SIRT6: variants seen among roughly 807,000 people sequenced by gnomAD.
SIRT6 encodes the protein sirtuin 6.
Under a neutral mutation model 33.6 loss-of-function variants are expected in SIRT6, and 21 were observed. The ratio of observed to expected loss-of-function variants is 0.62; its 90% CI spans 0.44 to 0.90. SIRT6 has a LOEUF of 0.90. Among genes scored for constraint, SIRT6 ranks in the 40% least tolerant of loss-of-function variants. SIRT6 has a pLI of 0.00. For missense variants in SIRT6, 504 were observed against 510.6 expected, an observed-to-expected ratio of 0.99 and a Z score of 0.12; for synonymous variants, 221 against 223.9, an observed-to-expected ratio of 0.99 and a Z score of 0.12.
At position 4,174,580 on chromosome 19, in the gene SIRT6, T is replaced by C; in HGVS notation, c.*37A>G. 7.2e-7 allele frequency: 1 copy of C among 1,388,504 alleles called. No homozygotes were observed. The highest frequency in any genetic ancestry group is 1.7e-5 in the South Asian group (1 of 59,282). 86.0% of individuals were successfully genotyped at this position (1,388,504 alleles called of 1,614,324 possible). On this transcript the variant is annotated 3_prime_UTR_variant, in exon 8 of 8. Coordinates refer to ENST00000337491, the MANE Select transcript of SIRT6 (RefSeq NM_016539.4). This position sits in a 1 kb window ranked among gnomAD's most constrained non-coding sequence, Gnocchi z 4.2. ...ACCACGAGAGAAAAAGAATCCACAG[T>C]TTCTACAAAAAGCCCCACCCTCCCC... is the stretch of plus-strand genomic sequence containing the variant.
Position 4,175,746 on chromosome 19 carries a change from T to A in SIRT6, c.548A>T (p.Asp183Val), listed in dbSNP as rs199592512. ...GGAGTCCTCCCAGTCTAGGATGGTG[T>A]CCCTCAGCTCTCCCCTGCAATGAGG... ...GLRACRGELR[D>V]TILDWEDSLP... The change falls in exon 6 of 8, where the codon GAC becomes GTC. Residue 183 changes from aspartate to valine, a missense_variant. By Grantham distance (152) the Asp-to-Val change is radical (BLOSUM62 -3). Transcript: ENST00000337491. 1.3e-6 allele frequency: 2 copies of A among 1,584,144 alleles called. No individual in the cohort carries two copies. The highest frequency in any genetic ancestry group is 1.8e-5 in the Admixed American group (1 of 55,904).
chr19:4,174,731 C>A lies in SIRT6; in HGVS notation c.954G>T (p.Glu318Asp). The part of the protein sequence containing the change: ...NGSIPAGPKQ[E>D]PCAQHNGSEP... ...CTGAGCCGTTGTGCTGGGCGCAGGG[C>A]TCCTGCTTGGGGCCGGCGGGGATAG... The change falls in exon 8 of 8, where the codon GAG (glutamate) becomes GAT (aspartate). Residue 318 changes from glutamate (E) to aspartate (D), a missense_variant. Transcript: ENST00000337491. The surrounding 1 kb of genome is among the most constrained non-coding windows in gnomAD (Gnocchi z 4.2). The A allele has an allele frequency of 6.8e-7, 1 of 1,465,380 alleles. No homozygotes were observed. The highest frequency in any genetic ancestry group is 9.1e-7 in the Non-Finnish European group (1 of 1,104,584). The allele number at this position is 1,465,380 out of a possible 1,614,324, so 90.8% of individuals were successfully genotyped here.
chr19:4,180,328 G>C (rs1967551984), intron 2 of SIRT6, among the ~76,000 whole-genome samples: 2 of 152,018 alleles, frequency 1.3e-5, no homozygotes. Context: ...GGTGTGATCA[G>C]GTGACCGTGT....
intron 2 of SIRT6, among the ~76,000 whole-genome samples, chr19:4,179,745 G>C (rs1967516372): frequency 6.6e-6 from 1 of 152,226 alleles, no homozygotes; most frequent in South Asian, 2.1e-4. Context: ...CTGGATCAGA[G>C]GAGGTACCTG....
At chr19:4,179,004 G>T in intron 3 of SIRT6, 100 bp downstream of exon 3, 1 of 1,440,910 alleles carries the variant, frequency 6.9e-7, no homozygotes, top group Non-Finnish European at 9.4e-7. Context: ...CTCAGGGCTA[G>T]AATCTTATAG....
chr19:4,179,039 C>T lies in SIRT6; in HGVS notation c.377+65G>A, dbSNP rs1160302210. On this transcript the variant is annotated intron_variant, in intron 3 of 7. Coordinates refer to ENST00000337491, the MANE Select transcript of SIRT6 (RefSeq NM_016539.4). Reference sequence around the variant, plus strand: ...GAACCAGGAAAAGGGGACTCTCCCCCTAAAAATGCAAACACGGTTTGTGGG... The same window carrying T: ...GAACCAGGAAAAGGGGACTCTCCCCTTAAAAATGCAAACACGGTTTGTGGG... 6 of 1,572,210 alleles carry T rather than the reference C, an allele frequency of 3.8e-6. No individual in the cohort carries two copies. The South Asian group carries it at 6.9e-5, about 18-fold the overall frequency.
chr19:4,175,926 C>CG lies in SIRT6; in HGVS notation c.448dup (p.Arg150ProfsTer21). 1 of 1,566,918 alleles carries CG rather than the reference C, an allele frequency of 6.4e-7. No homozygotes were observed. Among genetic ancestry groups the CG allele is most frequent in the East Asian group, 2.3e-5 (1 of 42,720 alleles). On this transcript the variant is annotated frameshift_variant, in exon 5 of 8. Coordinates refer to ENST00000337491, the MANE Select transcript of SIRT6 (RefSeq NM_016539.4). LOFTEE classifies it high-confidence loss of function. ...GCCCATGGTGCCCACGACTGTGTCT[C>CG]GGACGTACTGCCTGTGTCAGGGAGG...
At position 4,175,895 on chromosome 19, in the gene SIRT6, CT is replaced by C; in HGVS notation, c.479del (p.Lys160ArgfsTer22). 1 of 1,569,824 alleles carries C rather than the reference CT, an allele frequency of 6.4e-7. No individual in the cohort carries two copies. Among genetic ancestry groups the C allele is most frequent in the Non-Finnish European group, 8.6e-7 (1 of 1,157,766 alleles). ...RDTVVGTMGL[K>X]ATGRLCTVAK... Reference sequence around the variant, plus strand: ...CCACGGTGCAGAGCCGGCCCGTGGCCTTCAGGCCCATGGTGCCCACGACTGT... The same window carrying C: ...CCACGGTGCAGAGCCGGCCCGTGGCCTCAGGCCCATGGTGCCCACGACTGT... On this transcript the variant is annotated frameshift_variant, in exon 5 of 8. Coordinates refer to ENST00000337491, the MANE Select transcript of SIRT6 (RefSeq NM_016539.4). LOFTEE classifies it high-confidence loss of function.
At position 4,180,622 on chromosome 19, in the gene SIRT6, AC is replaced by A. The variant is rs1007576271; in HGVS notation, c.194+159del. ...TCTGGAATTCTTGACCTTGTGATCC[AC>A]CATGCCCAGCCAAGGGACACATCTT... On this transcript the variant is annotated intron_variant, in intron 2 of 7. Coordinates refer to ENST00000337491, the MANE Select transcript of SIRT6 (RefSeq NM_016539.4). 9 of 869,284 alleles carry A rather than the reference AC, an allele frequency of 1.0e-5. No homozygotes were observed. The Admixed American group carries it at 2.9e-4, about 28-fold the overall frequency. 53.8% of individuals were successfully genotyped at this position (869,284 alleles called of 1,614,324 possible). A position where few individuals can be genotyped will look rare whatever the true frequency, so the allele number is the denominator to read the frequency against.
intron 3 of SIRT6, among the ~76,000 whole-genome samples, chr19:4,178,308 A>G (rs1967427145): frequency 1.3e-5 from 2 of 151,946 alleles, no homozygotes. Context: ...TACAGATGTG[A>G]GCCACCATGC....
rs949225256 is a variant in SIRT6 at position 4,175,715 on chromosome 19, G to A, written c.579C>T (p.Pro193=). The stretch of plus-strand genomic sequence containing the variant: ...CATCGGCGAGTGCCAGGTCCCGGTC[G>A]GGCAGGGAGTCCTCCCAGTCTAGGA... The part of the protein sequence containing the change: ...DTILDWEDSL[P]DRDLALADEA... Residue 193 remains proline (P), a synonymous_variant, in exon 6 of 8, where the codon CCC becomes CCT. Transcript: ENST00000337491. 32 of 1,584,492 alleles carry A rather than the reference G, an allele frequency of 2.0e-5. No individual in the cohort carries two copies. In the Admixed American group the frequency reaches 2.8e-4, roughly 14 times the overall value.
rs1447070627 is a variant in SIRT6 at position 4,175,743 on chromosome 19, G to T, written c.551C>A (p.Thr184Asn). 1 of 1,585,600 alleles carries T rather than the reference G, an allele frequency of 6.3e-7. No homozygotes were observed. Residue 184 changes from threonine to asparagine, a missense_variant, in exon 6 of 8, where the codon ACC becomes AAC. Coordinates refer to ENST00000337491, the MANE Select transcript of SIRT6 (RefSeq NM_016539.4). ...CAGGGAGTCCTCCCAGTCTAGGATGGTGTCCCTCAGCTCTCCCCTGCAATG... is the reference window on the plus strand; with the variant it reads ...CAGGGAGTCCTCCCAGTCTAGGATGTTGTCCCTCAGCTCTCCCCTGCAATG... ...LRACRGELRDTILDWEDSLPD... is the reference protein window; with the variant it reads ...LRACRGELRDNILDWEDSLPD...
chr19:4,179,328 A>T (rs746384283), intron 2 of SIRT6, 42 bp from the exon 3 acceptor site: 1 of 1,531,762 alleles, frequency 6.5e-7, no homozygotes, highest in Non-Finnish European at 8.8e-7. Flanking sequence ...GGAGAGGGGA[A>T]CAGAAAAAGA....
At chr19:4,175,506 G>T in intron 6 of SIRT6, 174 bp downstream of exon 6, 1 of 651,990 alleles carries the variant, frequency 1.5e-6, no homozygotes. Flanking sequence ...GAGCCATGAG[G>T]TGACGAGTGT....
At chr19:4,176,029 T>G (rs1967284522) in intron 4 of SIRT6, 92 bp from the exon 5 acceptor site, 1 of 1,151,774 alleles carries the variant, frequency 8.7e-7, no homozygotes, top group Admixed American at 2.1e-5. Flanking sequence ...CCCAGGGAGG[T>G]GGGGGGTGGA....
intron 3 of SIRT6, 41 bp downstream of exon 3, chr19:4,179,063 G>C: frequency 6.2e-7 from 1 of 1,602,662 alleles, no homozygotes; most frequent in Non-Finnish European, 8.5e-7. Context: ...ACGGTTTGTG[G>C]GGCCCCAAGC....
intron 1 of SIRT6, 87 bp downstream of exon 1, chr19:4,182,387 G>A: frequency 7.4e-7 from 1 of 1,358,734 alleles, no homozygotes; most frequent in Non-Finnish European, 1.0e-6. Flanking sequence ...AGTGCCCCCT[G>A]ATATTCCCAC....
Position 4,174,675 on chromosome 19 carries a change from G to T in SIRT6, c.1010C>A (p.Thr337Asn). Residue 337 changes from threonine to asparagine, a missense_variant, in exon 8 of 8, where the codon ACC becomes AAC. Physicochemically the swap from Thr to Asn is moderately conservative, Grantham distance 65. Transcript: ENST00000337491. This position sits in a 1 kb window ranked among gnomAD's most constrained non-coding sequence, Gnocchi z 4.2. The part of the protein sequence containing the change: ...EPASPKRERP[T>N]SPAPHRPPKR... Reference sequence around the variant, plus strand: ...GGGGGGTCTGTGGGGGGCAGGGCTGGTGGGCCGCTCCCGTTTGGGGCTGGC... The same window carrying T: ...GGGGGGTCTGTGGGGGGCAGGGCTGTTGGGCCGCTCCCGTTTGGGGCTGGC... 1 of 1,459,988 alleles carries T rather than the reference G, an allele frequency of 6.8e-7. No individual in the cohort carries two copies. The allele number at this position is 1,459,988 out of a possible 1,614,324, so 90.4% of individuals were successfully genotyped here. A position where few individuals can be genotyped will look rare whatever the true frequency, so the allele number is the denominator to read the frequency against.
Position 4,174,748 on chromosome 19 carries a change from CG to C in SIRT6, c.936del (p.Ala313ProfsTer36). ...ESPTRINGSI[P>X]AGPKQEPCAQ... ...GCGCAGGGCTCCTGCTTGGGGCCGG[CG>C]GGGATAGAGCCGTTGATCCGGGTGG... On this transcript the variant is annotated frameshift_variant, in exon 8 of 8. Coordinates refer to ENST00000337491, the MANE Select transcript of SIRT6 (RefSeq NM_016539.4). LOFTEE classifies it low-confidence loss of function (END_TRUNC). The surrounding 1 kb of genome is among the most constrained non-coding windows in gnomAD (Gnocchi z 4.2). The C allele has an allele frequency of 7.2e-7, 1 of 1,381,212 alleles. No individual in the cohort carries two copies. The highest frequency in any genetic ancestry group is 9.4e-7 in the Non-Finnish European group (1 of 1,063,506). The allele number at this position is 1,381,212 out of a possible 1,614,324, so 85.6% of individuals were successfully genotyped here.
Sources: allele counts gnomAD v4.1 joint callset (sites outside exome capture counted in the v4.1 genomes callset), GRCh38; gene constraint gnomAD v4.1.1; non-coding constraint Gnocchi (gnomAD v3.1); transcripts MANE v1.5; gene names NCBI Gene and HGNC (gene_info 2026-07-23, HGNC 2026-07-21).